Variants in KSR2 observed in about 807,000 individuals in gnomAD.
The protein encoded by KSR2 is kinase suppressor of ras 2.
KSR2 carries 25 observed loss-of-function variants against 107.8 expected under a neutral mutation model. The ratio of observed to expected loss-of-function variants is 0.23; its 90% CI spans 0.17 to 0.32. KSR2 has a LOEUF of 0.32. Among genes scored for constraint, KSR2 ranks in the 10% least tolerant of loss-of-function variants. The probability of loss-of-function intolerance (pLI) is 1.00; values close to 1 mark genes in which losing one functional copy is unlikely to be tolerated. For synonymous variants in KSR2, 480 were observed against 507.0 expected (o/e 0.95, Z 0.71); for missense variants, 887 against 1,268.9 (o/e 0.70, Z 4.57).
At chr12:117,565,972 T>G (rs1878461445) in intron 7 of KSR2, among the ~76,000 whole-genome samples, 1 of 152,218 alleles carries the variant, frequency 6.6e-6, no homozygotes, top group Non-Finnish European at 1.5e-5. Flanking sequence ...TTTTTCACTT[T>G]TATTTTAGGT....
chr12:117,475,876 C>T (rs1871744973), intron 17 of KSR2, among the ~76,000 whole-genome samples: 1 of 152,296 alleles, frequency 6.6e-6, no homozygotes, highest in East Asian at 1.9e-4. Flanking sequence ...TGAAGTCATT[C>T]AAGTAACCTA....
intron 19 of KSR2, among the ~76,000 whole-genome samples, chr12:117,469,321 A>G (rs999020327): frequency 2.0e-5 from 3 of 152,086 alleles, no homozygotes; most frequent in African/African-American, 7.2e-5. Context: ...GTGGAGGGGT[A>G]CTCTGAATAC....
intron 5 of KSR2, among the ~76,000 whole-genome samples, chr12:117,648,170 A>T (rs955055313): frequency 6.6e-6 from 1 of 152,220 alleles, no homozygotes; most frequent in Non-Finnish European, 1.5e-5. Context: ...CCAATATTTT[A>T]AAAATTTTGA....
chr12:117,924,590 A>G (rs887237553), intron 1 of KSR2, among the ~76,000 whole-genome samples: 1 of 150,658 alleles, frequency 6.6e-6, no homozygotes, highest in Non-Finnish European at 1.5e-5. Flanking sequence ...AAAAAAAAAA[A>G]AAAAAAGAAA....
At chr12:117,754,112 CTTTGA>C (rs780734655) in intron 4 of KSR2, among the ~76,000 whole-genome samples, 65 of 152,194 alleles carry the variant, frequency 4.3e-4, no homozygotes, top group Non-Finnish European at 7.6e-4. Flanking sequence ...GGGGAAACAG[CTTTGA>C]TTAGACTAAT....
At chr12:117,812,140 G>A (rs926283707) in intron 3 of KSR2, among the ~76,000 whole-genome samples, 2 of 152,158 alleles carry the variant, frequency 1.3e-5, no homozygotes, top group African/African-American at 4.8e-5. Context: ...CAGCTGCCCT[G>A]TCCAATAGGG....
intron 13 of KSR2, among the ~76,000 whole-genome samples, chr12:117,526,721 C>T (rs1482478164): frequency 6.6e-6 from 1 of 152,198 alleles, no homozygotes; most frequent in African/African-American, 2.4e-5. Context: ...CTAAGCCCAG[C>T]ATCCCTGAGG....
chr12:117,762,642 A>G (rs1889079269), intron 3 of KSR2, among the ~76,000 whole-genome samples: 2 of 152,172 alleles, frequency 1.3e-5, no homozygotes, highest in African/African-American at 4.8e-5. Flanking sequence ...AGATGGGCAG[A>G]TTACTTGAGG....
chr12:117,705,143 T>C (rs543584605), intron 4 of KSR2, among the ~76,000 whole-genome samples: 1 of 152,170 alleles, frequency 6.6e-6, no homozygotes, highest in South Asian at 2.1e-4. Context: ...TGAATGTGAA[T>C]GCTACAGAAG....
chr12:117,844,207 A>G (rs919334953), intron 3 of KSR2, among the ~76,000 whole-genome samples: 1 of 151,968 alleles, frequency 6.6e-6, no homozygotes, highest in Admixed American at 6.6e-5. Context: ...ACACCCACTC[A>G]ACAACTAGTG....
intron 18 of KSR2, among the ~76,000 whole-genome samples, chr12:117,470,895 T>A (rs927570128): frequency 3.3e-5 from 5 of 152,208 alleles, no homozygotes; most frequent in African/African-American, 4.8e-5. Context: ...TCATATCTTT[T>A]AAAAATACCA....
chr12:117,641,028 A>G (rs1054265067), intron 5 of KSR2, among the ~76,000 whole-genome samples: 6 of 152,190 alleles, frequency 3.9e-5, no homozygotes, highest in African/African-American at 1.4e-4. Flanking sequence ...ACAAAGTACC[A>G]CAAACTGGAT....
At chr12:117,631,666 A>G (rs745631548) in intron 5 of KSR2, among the ~76,000 whole-genome samples, 11 of 152,216 alleles carry the variant, frequency 7.2e-5, no homozygotes, top group Non-Finnish European at 1.2e-4. Flanking sequence ...CCAAGAGTTC[A>G]TTAACAACCA....
In KSR2 at chr12:117,530,923, T is replaced by C. The variant is rs369253342; in HGVS notation, c.1802+18A>G. The C allele has an allele frequency of 1.2e-6, 2 of 1,610,958 alleles. No individual in the cohort carries two copies. The highest frequency in any genetic ancestry group is 8.5e-7 in the Non-Finnish European group (1 of 1,177,492). On this transcript the variant is annotated intron_variant, in intron 12 of 19. Transcript: ENST00000339824. ...TGGGAAGCTTGGGAAAGGGGGAAGA[T>C]GTCTCTGTCTCACTTACATTGGATT...
chr12:117,826,348 C>T (rs2137096750), intron 3 of KSR2, among the ~76,000 whole-genome samples: 1 of 152,178 alleles, frequency 6.6e-6, no homozygotes, highest in East Asian at 1.9e-4. Flanking sequence ...TCCTGCTGTG[C>T]AGCCTCAGCC....
At chr12:117,705,718 A>T (rs954556249) in intron 4 of KSR2, among the ~76,000 whole-genome samples, 1 of 152,204 alleles carries the variant, frequency 6.6e-6, no homozygotes, top group Non-Finnish European at 1.5e-5. Flanking sequence ...ATAACGAAGC[A>T]CTTAGAACCT....
chr12:117,563,812 C>A (rs73405380), intron 7 of KSR2, among the ~76,000 whole-genome samples: 1 of 151,982 alleles, frequency 6.6e-6, no homozygotes, highest in Non-Finnish European at 1.5e-5. Flanking sequence ...CAGAGGCATG[C>A]TCATTTTAGG....
At chr12:117,497,275 T>C (rs1208980113) in intron 14 of KSR2, among the ~76,000 whole-genome samples, 1 of 152,048 alleles carries the variant, frequency 6.6e-6, no homozygotes, top group Non-Finnish European at 1.5e-5. Context: ...GAGGAGACAA[T>C]ATGCAAATAA....
intron 5 of KSR2, among the ~76,000 whole-genome samples, chr12:117,657,373 T>C (rs921932824): frequency 6.6e-6 from 1 of 152,122 alleles, no homozygotes; most frequent in East Asian, 1.9e-4. Flanking sequence ...GAAGGCTACA[T>C]AGCCTATGGA....
Sources: allele counts gnomAD v4.1 joint callset (sites outside exome capture counted in the v4.1 genomes callset), GRCh38; gene constraint gnomAD v4.1.1; transcripts MANE v1.5; gene names NCBI Gene and HGNC (gene_info 2026-07-23, HGNC 2026-07-21).